The following SLC9B1 variants were observed in gnomAD, a reference collection of about 807,000 sequenced individuals.
The protein encoded by SLC9B1 is sodium/hydrogen exchanger 9B1.
Under a neutral mutation model 51.7 loss-of-function variants are expected in SLC9B1, and 32 were observed. The ratio of observed to expected loss-of-function variants is 0.62; its 90% CI spans 0.47 to 0.83. The LOEUF is 0.83. Ranked by LOEUF, SLC9B1 falls within the 40% of genes least tolerant of loss-of-function variation. The pLI is 0.00. For synonymous variants in SLC9B1, 145 were observed against 212.7 expected, an observed-to-expected ratio of 0.68 and a Z score of 2.77; for missense variants, 406 against 613.2, an observed-to-expected ratio of 0.66 and a Z score of 3.57.
At position 102,991,580 on chromosome 4, in the gene SLC9B1, G is replaced by A. The variant is rs547680071; in HGVS notation, c.69+63C>T. 6.3e-6 allele frequency: 7 copies of A among 1,104,486 alleles called. No individual in the cohort carries two copies. The African/African-American group carries it at 9.8e-5, about 15-fold the overall frequency. The allele number at this position is 1,104,486 out of a possible 1,614,324, so 68.4% of individuals were successfully genotyped here. A position where few individuals can be genotyped will look rare whatever the true frequency, so the allele number is the denominator to read the frequency against. ...GAAACCTATCTAATAAGTAAATTAG[G>A]AATAAATTTTAAGATCAGGTTGATT... On this transcript the variant is annotated intron_variant, in intron 2 of 11. Coordinates refer to ENST00000296422, the MANE Select transcript of SLC9B1 (RefSeq NM_139173.4).
chr4:102,986,364 T>C (rs756142691), intron 3 of SLC9B1, among the ~76,000 whole-genome samples: 1 of 152,136 alleles, frequency 6.6e-6, no homozygotes, highest in Non-Finnish European at 1.5e-5. Flanking sequence ...TGCTCTTTTA[T>C]GGGTAGTTTT....
intron 10 of SLC9B1, 111 bp from the exon 11 acceptor site, chr4:102,905,761 C>T: frequency 1.1e-6 from 1 of 907,560 alleles, no homozygotes. Flanking sequence ...GCTATTGTCT[C>T]TTCATGTGCT....
At chr4:102,999,137 ATT>A in intron 1 of SLC9B1, among the ~76,000 whole-genome samples, 1 of 152,152 alleles carries the variant, frequency 6.6e-6, no homozygotes, top group Admixed American at 6.5e-5. Context: ...ATCTTTGCCC[ATT>A]TTAAAATTGG....
intron 7 of SLC9B1, among the ~76,000 whole-genome samples, chr4:102,915,388 C>T (rs1418675283): frequency 6.6e-6 from 1 of 151,948 alleles, no homozygotes; most frequent in Non-Finnish European, 1.5e-5. Context: ...CACTTTTTTT[C>T]TTTACTTTTT....
chr4:102,946,515 C>A (rs1357611059), intron 5 of SLC9B1, 132 bp downstream of exon 5: 1 of 1,023,846 alleles, frequency 9.8e-7, no homozygotes, highest in African/African-American at 1.7e-5. Flanking sequence ...CATGCCCGGC[C>A]TTTTTTTCTT....
At chr4:102,987,921 T>A (rs1013472770) in intron 3 of SLC9B1, among the ~76,000 whole-genome samples, 1 of 152,218 alleles carries the variant, frequency 6.6e-6, no homozygotes, top group Non-Finnish European at 1.5e-5. Context: ...AGAAGAATTG[T>A]TGATTTTTCA....
At chr4:102,914,588 T>C (rs1324546586) in intron 7 of SLC9B1, among the ~76,000 whole-genome samples, 1 of 152,174 alleles carries the variant, frequency 6.6e-6, no homozygotes, top group South Asian at 2.1e-4. Context: ...TCTTTCACTG[T>C]CATAATTTCT....
intron 6 of SLC9B1, among the ~76,000 whole-genome samples, chr4:102,943,506 T>TATACACAC (rs1553982064): frequency 5.5e-5 from 8 of 145,484 alleles, no homozygotes; most frequent in African/African-American, 1.5e-4. Context: ...TGTGTATGTA[T>TATACACAC]ACACACACAC....
At chr4:102,930,186 C>T (rs1010339591) in intron 7 of SLC9B1, among the ~76,000 whole-genome samples, 3 of 152,154 alleles carry the variant, frequency 2.0e-5, no homozygotes, top group Non-Finnish European at 2.9e-5. Context: ...ATCCCTCCTT[C>T]ACCTATCAAA....
In SLC9B1 at chr4:102,911,505, T is replaced by C. The variant is rs1429692973; in HGVS notation, c.862A>G (p.Arg288Gly). ...GILNNAIASI[R>G]NVCISLLAGI... Reference sequence around the variant, plus strand: ...GCCAGCAGACTAATACATACGTTCCTTATAGAGGCTATGGCGTTATTAAGT... The same window carrying C: ...GCCAGCAGACTAATACATACGTTCCCTATAGAGGCTATGGCGTTATTAAGT... The change falls in exon 8 of 12, where the codon AGG becomes GGG. Residue 288 changes from arginine to glycine, a missense_variant. Around this residue, in one of 6 missense-constraint regions of SLC9B1, gnomAD observed 250 missense variants for 394.1 expected, o/e 0.63. Coordinates refer to ENST00000296422, the MANE Select transcript of SLC9B1 (RefSeq NM_139173.4). The C allele has an allele frequency of 1.9e-6, 3 of 1,596,806 alleles. No homozygotes were observed. Among genetic ancestry groups the C allele is most frequent in the Non-Finnish European group, 2.5e-6 (3 of 1,179,408 alleles).
chr4:102,933,616 G>A (rs1244777308), intron 6 of SLC9B1, among the ~76,000 whole-genome samples: 1 of 152,094 alleles, frequency 6.6e-6, no homozygotes, highest in African/African-American at 2.4e-5. Context: ...GGGTGGGGTG[G>A]GAGAAGATCT....
intron 1 of SLC9B1, among the ~76,000 whole-genome samples, chr4:103,013,170 T>C (rs1415213074): frequency 6.6e-6 from 1 of 152,212 alleles, no homozygotes; most frequent in Non-Finnish European, 1.5e-5. Flanking sequence ...CTCACCAGCT[T>C]TCTTTCTGGT....
intron 3 of SLC9B1, among the ~76,000 whole-genome samples, chr4:102,983,246 G>C (rs144318660): frequency 2.0e-5 from 3 of 152,174 alleles, no homozygotes; most frequent in Non-Finnish European, 4.4e-5. Flanking sequence ...ATCCCACTTG[G>C]TCATGGTCAT....
At chr4:103,012,101 T>C (rs942556436) in intron 1 of SLC9B1, among the ~76,000 whole-genome samples, 21 of 152,372 alleles carry the variant, frequency 1.4e-4, no homozygotes, top group Middle Eastern at 3.4e-3. Flanking sequence ...CCTTTTTGAT[T>C]ATAAATTCCA....
chr4:102,910,684 T>C, intron 8 of SLC9B1, 96 bp from the exon 9 acceptor site: 1 of 519,682 alleles, frequency 1.9e-6, no homozygotes, highest in Non-Finnish European at 2.8e-6. Flanking sequence ...TCTGATATTA[T>C]GTCTTTAAAT....
chr4:102,984,816 T>A lies in SLC9B1; in HGVS notation c.211+4984A>T, dbSNP rs1348413289. ...AAAGTTCCAACTAGAAAAATGAAAG[T>A]TATCTCTTTCTCCTTATAGTTTTGC... On this transcript the variant is annotated intron_variant, in intron 3 of 11. Coordinates refer to ENST00000296422, the MANE Select transcript of SLC9B1 (RefSeq NM_139173.4). 4.2e-4 allele frequency among the ~76,000 whole-genome samples: 64 copies of A among 152,174 alleles called. 1 individual carries two copies. Among genetic ancestry groups the A allele is most frequent in the Admixed American group, 4.2e-3 (64 of 15,262 alleles).
intron 6 of SLC9B1, among the ~76,000 whole-genome samples, chr4:102,941,871 G>T (rs1337635811): frequency 6.6e-6 from 1 of 151,900 alleles, no homozygotes; most frequent in African/African-American, 2.4e-5. Context: ...TCAAACTGTT[G>T]CTATTCATGA....
intron 3 of SLC9B1, among the ~76,000 whole-genome samples, chr4:102,973,116 A>G (rs1286891547): frequency 6.6e-6 from 1 of 152,184 alleles, no homozygotes; most frequent in Non-Finnish European, 1.5e-5. Flanking sequence ...AAATTTATCA[A>G]TAACCACAAT....
At position 102,921,706 on chromosome 4, in the gene SLC9B1, A is replaced by C. The variant is rs535752783; in HGVS notation, c.830-10169T>G. ...ACACACATAGGCTCAAAATAAAGGG[A>C]TGGAGGAAGATCTACCAAACAAATG... On this transcript the variant is annotated intron_variant, in intron 7 of 11. Coordinates refer to ENST00000296422, the MANE Select transcript of SLC9B1 (RefSeq NM_139173.4). 1.3e-3 allele frequency among the ~76,000 whole-genome samples: 204 copies of C among 152,342 alleles called. No individual in the cohort carries two copies. The Middle Eastern group carries it at 0.017, about 13-fold the overall frequency.
Sources: allele counts gnomAD v4.1 joint callset (sites outside exome capture counted in the v4.1 genomes callset), GRCh38; gene constraint gnomAD v4.1.1; regional missense constraint gnomAD v4.1.1; transcripts MANE v1.5; gene names NCBI Gene and HGNC (gene_info 2026-07-23, HGNC 2026-07-21).